Variants in DOCK4 observed in about 807,000 individuals in gnomAD.
DOCK4 encodes the protein dedicator of cytokinesis 4, also known as dedicator of cytokinesis protein 4.
In DOCK4, 97 loss-of-function variants were observed where a neutral mutation model predicts 268.1. The ratio of observed to expected loss-of-function variants is 0.36; its 90% confidence interval spans 0.31 to 0.43. The LOEUF is 0.43. Among genes scored for constraint, DOCK4 ranks in the 20% least tolerant of loss-of-function variants. The pLI, the probability that DOCK4 is intolerant of heterozygous loss-of-function variation, is 1.00. For missense variants in DOCK4, 2,145 were observed against 2,455.7 expected (o/e 0.87, Z 2.67); for synonymous variants, 954 against 887.2 (o/e 1.08, Z -1.34).
At chr7:112,126,736 A>C (rs1283141779) in intron 1 of DOCK4, among the ~76,000 whole-genome samples, 3 of 152,216 alleles carry the variant, frequency 2.0e-5, no homozygotes, top group African/African-American at 7.2e-5. Flanking sequence ...ACCCCATCAA[A>C]AAGTGGGCGA....
At chr7:111,969,082 G>A (rs1797477238) in intron 8 of DOCK4, among the ~76,000 whole-genome samples, 1 of 99,262 alleles carries the variant, frequency 1.0e-5, no homozygotes, top group South Asian at 4.0e-4. Flanking sequence ...AGGGGGGAGG[G>A]ATAGCATTGG....
intron 5 of DOCK4, among the ~76,000 whole-genome samples, chr7:111,990,281 C>G (rs1415864981): frequency 6.6e-6 from 1 of 152,146 alleles, no homozygotes; most frequent in Non-Finnish European, 1.5e-5. Flanking sequence ...AATATATATC[C>G]CTTACCCCAG....
intron 1 of DOCK4, among the ~76,000 whole-genome samples, chr7:112,006,412 T>C (rs1800866396): frequency 6.6e-6 from 1 of 152,172 alleles, no homozygotes; most frequent in Non-Finnish European, 1.5e-5. Context: ...AAAAACTGCA[T>C]TACATGGGAA....
At chr7:111,883,187 AG>A (rs371424369) in intron 16 of DOCK4, among the ~76,000 whole-genome samples, 24 of 152,286 alleles carry the variant, frequency 1.6e-4, no homozygotes, top group African/African-American at 5.8e-4. Context: ...CTTCAGGAAA[AG>A]TGTTTAGGCA....
At chr7:111,862,448 A>G (rs933786323) in intron 23 of DOCK4, among the ~76,000 whole-genome samples, 1 of 151,456 alleles carries the variant, frequency 6.6e-6, no homozygotes, top group Non-Finnish European at 1.5e-5. Flanking sequence ...CAAAAAAATC[A>G]TACATACACA....
intron 7 of DOCK4, among the ~76,000 whole-genome samples, chr7:111,979,266 C>T (rs1012811584): frequency 5.9e-5 from 9 of 152,180 alleles, no homozygotes; most frequent in African/African-American, 9.7e-5. Flanking sequence ...CTAAATTCAT[C>T]TACAATCACT....
At position 111,875,811 on chromosome 7, in the gene DOCK4, T is replaced by C. The variant is rs375240686; in HGVS notation, c.1744+1219A>G. On this transcript the variant is annotated intron_variant, in intron 17 of 52. Coordinates refer to ENST00000428084, the MANE Select transcript of DOCK4 (RefSeq NM_001363540.2). ...GCCCAGTGGAACTGATTTTGTATAT[T>C]TGACCTCCAGAACTGCAATATAATA... is the stretch of plus-strand genomic sequence containing the variant. Among the ~76,000 whole-genome samples the C allele has an allele frequency of 5.9e-5, 9 of 152,346 alleles. No individual in the cohort carries two copies. The East Asian group carries it at 1.5e-3, about 26-fold the overall frequency.
intron 40 of DOCK4, 132 bp downstream of exon 40, chr7:111,760,049 G>T: frequency 8.9e-7 from 1 of 1,121,284 alleles, no homozygotes; most frequent in Non-Finnish European, 1.3e-6. Context: ...AAATTAAGAT[G>T]ATGGGAAAGA....
intron 1 of DOCK4, among the ~76,000 whole-genome samples, chr7:112,084,827 C>T (rs962564821): frequency 7.9e-5 from 12 of 152,004 alleles, no homozygotes; most frequent in African/African-American, 2.4e-4. Flanking sequence ...CCCGTGTGAC[C>T]GGCTTTCTGC....
chr7:111,747,483 A>C, intron 42 of DOCK4, 40 bp from the exon 43 acceptor site: 1 of 1,521,784 alleles, frequency 6.6e-7, no homozygotes, highest in Non-Finnish European at 8.8e-7. Flanking sequence ...TGAATTTGTG[A>C]CATTCAAGAA....
chr7:112,205,974 A>T (rs1425057164), intron 1 of DOCK4, 128 bp downstream of exon 1: 14 of 1,067,434 alleles, frequency 1.3e-5, no homozygotes, highest in Non-Finnish European at 1.9e-5. Flanking sequence ...AAAGCCCCGT[A>T]CCAGCTGCGC....
At chr7:111,986,762 C>G (rs942313348) in intron 6 of DOCK4, among the ~76,000 whole-genome samples, 2 of 152,170 alleles carry the variant, frequency 1.3e-5, no homozygotes, top group Non-Finnish European at 2.9e-5. Context: ...CAGGCAAGAA[C>G]AATTCTTTTG....
intron 25 of DOCK4, among the ~76,000 whole-genome samples, chr7:111,843,407 A>G (rs1243665442): frequency 6.6e-6 from 1 of 152,214 alleles, no homozygotes; most frequent in African/African-American, 2.4e-5. Context: ...AAATGGCAAA[A>G]AGACATGAAA....
chr7:111,729,525 GC>G (rs1222882699), intron 52 of DOCK4, among the ~76,000 whole-genome samples: 1 of 152,140 alleles, frequency 6.6e-6, no homozygotes, highest in African/African-American at 2.4e-5. Context: ...TCCAGCCTGG[GC>G]AACACAATGA....
At chr7:112,162,283 C>T (rs948273259) in intron 1 of DOCK4, among the ~76,000 whole-genome samples, 1 of 152,010 alleles carries the variant, frequency 6.6e-6, no homozygotes, top group Non-Finnish European at 1.5e-5. Context: ...CCCTGCAGAG[C>T]CTCCCCTCCT....
chr7:112,174,814 TTC>T (rs1818359265), intron 1 of DOCK4, among the ~76,000 whole-genome samples: 1 of 152,188 alleles, frequency 6.6e-6, no homozygotes, highest in Non-Finnish European at 1.5e-5. Flanking sequence ...GTCTCTCATT[TTC>T]ACTAGATGAT....
chr7:112,087,897 T>G (rs1054905155), intron 1 of DOCK4, among the ~76,000 whole-genome samples: 1 of 152,092 alleles, frequency 6.6e-6, no homozygotes, highest in Admixed American at 6.6e-5. Context: ...TGGAGTGGCA[T>G]GCAGGTGGGA....
chr7:111,926,867 GAGAA>G (rs1313823892), intron 12 of DOCK4, among the ~76,000 whole-genome samples: 1 of 137,086 alleles, frequency 7.3e-6, no homozygotes, highest in African/African-American at 3.0e-5. Flanking sequence ...GAGAGAGAGA[GAGAA>G]AGGAAGGAAG....
intron 1 of DOCK4, among the ~76,000 whole-genome samples, chr7:112,126,519 C>T (rs1197559247): frequency 1.3e-5 from 2 of 152,154 alleles, no homozygotes; most frequent in African/African-American, 4.8e-5. Context: ...AACAACAAAA[C>T]ACCAAAAGCA....
Sources: gnomAD v4.1 joint callset for allele counts (sites outside exome capture counted in the v4.1 genomes callset) on GRCh38, gnomAD v4.1.1 for gene constraint, MANE v1.5 for transcripts, NCBI Gene and HGNC (gene_info 2026-07-23, HGNC 2026-07-21) for gene names.